COL4A2: variants seen among roughly 807,000 people sequenced by gnomAD.
The protein encoded by COL4A2 is collagen alpha-2(IV) chain.
Under a neutral mutation model 200.2 loss-of-function variants are expected in COL4A2, and 99 were observed. The ratio of observed to expected loss-of-function variants is 0.49; its 90% CI spans 0.42 to 0.58. The LOEUF is 0.58. Ranked by LOEUF, COL4A2 falls within the 20% of genes least tolerant of loss-of-function variation. The probability of loss-of-function intolerance (pLI) is 0.00; values close to 1 mark genes in which losing one functional copy is unlikely to be tolerated. For synonymous variants in COL4A2, 897 were observed against 900.6 expected (o/e 1.00, Z 0.07); for missense variants, 1,950 against 2,314.1 (o/e 0.84, Z 3.23).
intron 4 of COL4A2, among the ~76,000 whole-genome samples, chr13:110,390,266 C>T (rs1401639967): frequency 1.3e-5 from 2 of 152,236 alleles, no homozygotes; most frequent in Non-Finnish European, 1.5e-5. Flanking sequence ...TAGGTCATGT[C>T]CCATCACAGG....
At chr13:110,361,432 A>C (rs1245467189) in intron 4 of COL4A2, among the ~76,000 whole-genome samples, 8 of 152,094 alleles carry the variant, frequency 5.3e-5, no homozygotes, top group Non-Finnish European at 8.8e-5. Context: ...CTGTGGTGCT[A>C]CTGTAACAGC....
rs1883962063 is a variant in COL4A2 at position 110,508,360 on chromosome 13, C to T, written c.4881+139C>T. On this transcript the variant is annotated intron_variant, in intron 47 of 47. Coordinates refer to ENST00000360467, the MANE Select transcript of COL4A2 (RefSeq NM_001846.4). This position sits in a 1 kb window ranked among gnomAD's most constrained non-coding sequence, Gnocchi z 6.1. The stretch of plus-strand genomic sequence containing the variant: ...AAGGGTAGTTGGCCCAGGAAGCGAG[C>T]GAGAGCTGGAACACAGCTTACACTT... 7.4e-7 allele frequency: 1 copy of T among 1,358,548 alleles called. No individual in the cohort carries two copies. Among genetic ancestry groups the T allele is most frequent in the Non-Finnish European group, 1.0e-6 (1 of 996,078 alleles). The allele number at this position is 1,358,548 out of a possible 1,614,324, so 84.2% of individuals were successfully genotyped here.
At chr13:110,350,610 T>C (rs1876914253) in intron 3 of COL4A2, among the ~76,000 whole-genome samples, 1 of 152,220 alleles carries the variant, frequency 6.6e-6, no homozygotes, top group South Asian at 2.1e-4. Flanking sequence ...CCCAGGGTGA[T>C]GGTTCAGTGG....
chr13:110,494,950 C>G (rs1190328629), intron 39 of COL4A2, among the ~76,000 whole-genome samples: 4 of 152,166 alleles, frequency 2.6e-5, no homozygotes, highest in African/African-American at 9.7e-5. Context: ...GCCATGATGG[C>G]GATGAGCACC....
chr13:110,469,946 G>T (rs1007932260), intron 28 of COL4A2, among the ~76,000 whole-genome samples: 2 of 114,724 alleles, frequency 1.7e-5, no homozygotes, highest in East Asian at 5.3e-4. Context: ...ATGGAATCTC[G>T]CTCTGTCACC....
intron 28 of COL4A2, among the ~76,000 whole-genome samples, chr13:110,472,206 C>T (rs187970039): frequency 1.8e-3 from 278 of 151,804 alleles, no homozygotes; most frequent in African/African-American, 6.5e-3. Flanking sequence ...AGCTCCGCCT[C>T]CCGGGTTCAC....
rs74449683 is a variant in COL4A2 at position 110,351,798 on chromosome 13, G to A, written c.100-5674G>A. Reference sequence around the variant, plus strand: ...GACTGCCTGCAGGTCCTCAGTAAATGTTCATTCATTTGCTGAGGGAAGTAA... The same window carrying A: ...GACTGCCTGCAGGTCCTCAGTAAATATTCATTCATTTGCTGAGGGAAGTAA... On this transcript the variant is annotated intron_variant, in intron 3 of 47. Transcript: ENST00000360467. Among the ~76,000 whole-genome samples, 1,111 of 152,248 alleles carry A rather than the reference G, an allele frequency of 7.3e-3. 16 individuals carry two copies. The highest frequency in any genetic ancestry group is 0.025 in the African/African-American group (1,046 of 41,544).
rs574431817 is a variant in COL4A2 at position 110,399,446 on chromosome 13, C to T, written c.181-25288C>T. ...CTGAGAATGAAGAAGTCTAGCTTTA[C>T]CCATAATGGGCTTTAAAGCAGCTCT... On this transcript the variant is annotated intron_variant, in intron 4 of 47. Coordinates refer to ENST00000360467, the MANE Select transcript of COL4A2 (RefSeq NM_001846.4). Among the ~76,000 whole-genome samples the T allele has an allele frequency of 6.6e-5, 10 of 152,308 alleles. 1 individual carries two copies. Among genetic ancestry groups the T allele is most frequent in the African/African-American group, 2.4e-4 (10 of 41,584 alleles).
At chr13:110,491,013 G>A (rs1365898437) in intron 36 of COL4A2, among the ~76,000 whole-genome samples, 1 of 152,186 alleles carries the variant, frequency 6.6e-6, no homozygotes, top group Non-Finnish European at 1.5e-5. Context: ...AAGACAGTGA[G>A]GGGTGCATGG....
chr13:110,374,396 C>T (rs543603469), intron 4 of COL4A2, among the ~76,000 whole-genome samples: 2 of 152,164 alleles, frequency 1.3e-5, no homozygotes, highest in African/African-American at 4.8e-5. Context: ...TGATGTTGCA[C>T]CTTGAAACTC....
intron 44 of COL4A2, 64 bp from the exon 45 acceptor site, chr13:110,504,084 T>G: frequency 6.3e-7 from 1 of 1,586,246 alleles, no homozygotes; most frequent in Non-Finnish European, 8.6e-7. Flanking sequence ...GTTCTCTTTG[T>G]GGATCGCCGG....
In COL4A2 at chr13:110,493,153, T is replaced by G. The variant is rs1883345537; in HGVS notation, c.3563-58T>G. 7 of 1,606,216 alleles carry G rather than the reference T, an allele frequency of 4.4e-6. No homozygotes were observed. The East Asian group carries it at 1.3e-4, about 31-fold the overall frequency. ...GTGACACCCCCGCAGGTGAAATAAA[T>G]AACGATGAGTGACACCCCCGCAGGT... On this transcript the variant is annotated intron_variant, in intron 38 of 47. Coordinates refer to ENST00000360467, the MANE Select transcript of COL4A2 (RefSeq NM_001846.4).
chr13:110,308,386 C>T (rs561760940), intron 3 of COL4A2, among the ~76,000 whole-genome samples: 1 of 152,258 alleles, frequency 6.6e-6, no homozygotes, highest in South Asian at 2.1e-4. Flanking sequence ...AAAATGTAGC[C>T]TGAGGCACCG....
chr13:110,507,055 G>A (rs1374803376), intron 46 of COL4A2, among the ~76,000 whole-genome samples: 3 of 152,182 alleles, frequency 2.0e-5, no homozygotes, highest in Non-Finnish European at 4.4e-5. Context: ...CTTATTTAAG[G>A]AAGCCTTTGA....
At chr13:110,327,586 A>G (rs74126240) in intron 3 of COL4A2, among the ~76,000 whole-genome samples, 3,820 of 152,324 alleles carry the variant, frequency 0.025, 133 homozygotes, top group African/African-American at 0.086. Context: ...GTGTCTTTCT[A>G]TAGTGAAGAG....
chr13:110,357,490 G>A lies in COL4A2; in HGVS notation c.118G>A (p.Val40Met). The A allele has an allele frequency of 6.3e-7, 1 of 1,593,394 alleles. No homozygotes were observed. Among genetic ancestry groups the A allele is most frequent in the Non-Finnish European group, 8.6e-7 (1 of 1,167,790 alleles). ...SVLAGVKKFD[V>M]PCGGRDCSGG... is the part of the protein sequence containing the mutation. Reference sequence around the variant, plus strand: ...GTTGCAGGGTGTGAAGAAGTTTGATGTGCCGTGTGGAGGAAGAGATTGCAG... The same window carrying A: ...GTTGCAGGGTGTGAAGAAGTTTGATATGCCGTGTGGAGGAAGAGATTGCAG... Residue 40 changes from valine to methionine, a missense_variant, in exon 4 of 48, where the codon GTG (valine) becomes ATG (methionine). Val to Met is a conservative substitution (Grantham distance 21). This residue lies in a region of COL4A2 where 565 missense variants were observed against 593.5 expected (regional missense o/e 0.95). Coordinates refer to ENST00000360467, the MANE Select transcript of COL4A2 (RefSeq NM_001846.4).
At chr13:110,379,806 C>G (rs1411069692) in intron 4 of COL4A2, among the ~76,000 whole-genome samples, 1 of 152,176 alleles carries the variant, frequency 6.6e-6, no homozygotes, top group Admixed American at 6.5e-5. Context: ...ACATGAGAGC[C>G]ACGTTAGGAT....
At position 110,318,233 on chromosome 13, in the gene COL4A2, G is replaced by A. The variant is rs376934429; in HGVS notation, c.99+10110G>A. ...GCTGCTAGGAATAATTCACTCACGA[G>A]TTCTAGAACACCATGGACTCGTGTC... On this transcript the variant is annotated intron_variant, in intron 3 of 47. Coordinates refer to ENST00000360467, the MANE Select transcript of COL4A2 (RefSeq NM_001846.4). 9.8e-5 allele frequency among the ~76,000 whole-genome samples: 15 copies of A among 152,324 alleles called. No homozygotes were observed. The East Asian group carries it at 2.1e-3, about 22-fold the overall frequency.
At chr13:110,315,563 C>A (rs1566468676) in intron 3 of COL4A2, among the ~76,000 whole-genome samples, 1 of 152,124 alleles carries the variant, frequency 6.6e-6, no homozygotes, top group Non-Finnish European at 1.5e-5. Context: ...TCTCAGCTAA[C>A]TTACGTATTT....
Sources: allele counts gnomAD v4.1 joint callset (sites outside exome capture counted in the v4.1 genomes callset), GRCh38; gene constraint gnomAD v4.1.1; regional missense constraint gnomAD v4.1.1; non-coding constraint Gnocchi (gnomAD v3.1); transcripts MANE v1.5; gene names NCBI Gene and HGNC (gene_info 2026-07-23, HGNC 2026-07-21).